The following ABCA13 variants were observed in gnomAD, a reference collection of about 807,000 sequenced individuals.
The protein encoded by ABCA13 is ATP-binding cassette sub-family A member 13.
A neutral mutation model predicts 478.7 loss-of-function variants in ABCA13; 476 were observed. That is an observed-to-expected ratio of 0.99 (90% CI 0.92 to 1.07). ABCA13 has a LOEUF of 1.07. Ranked by LOEUF, ABCA13 falls within the 50% of genes least tolerant of loss-of-function variation. The pLI is 0.00. For missense variants in ABCA13, 6,060 were observed against 5,910.6 expected, an observed-to-expected ratio of 1.03 and a Z score of -0.83; for synonymous variants, 2,252 against 2,158.9, an observed-to-expected ratio of 1.04 and a Z score of -1.20.
intron 21 of ABCA13, among the ~76,000 whole-genome samples, chr7:48,296,976 T>G (rs1030054469): frequency 3.3e-5 from 5 of 152,236 alleles, no homozygotes; most frequent in Non-Finnish European, 7.3e-5. Flanking sequence ...CCATTTATTA[T>G]GCATCCTCAT....
intron 28 of ABCA13, among the ~76,000 whole-genome samples, chr7:48,337,072 C>T (rs1806381288): frequency 1.3e-5 from 2 of 152,298 alleles, no homozygotes; most frequent in South Asian, 4.1e-4. Flanking sequence ...ACATGTTCAA[C>T]CAGTTGAAGA....
chr7:48,261,921 C>T (rs1794239616), intron 15 of ABCA13, among the ~76,000 whole-genome samples: 1 of 151,898 alleles, frequency 6.6e-6, no homozygotes, highest in African/African-American at 2.4e-5. Context: ...AGACATCACT[C>T]TAGGATAATC....
In ABCA13 at chr7:48,275,116, C is replaced by T. The variant is rs1196306549; in HGVS notation, c.5450C>T (p.Ala1817Val). 1 of 1,613,574 alleles carries T rather than the reference C, an allele frequency of 6.2e-7. No individual in the cohort carries two copies. The highest frequency in any genetic ancestry group is 8.5e-7 in the Non-Finnish European group (1 of 1,179,696). ...DKPDIISEAL[A>V]CFPVVWCWNH... ...CCAGATATTATTTCAGAGGCTTTAG[C>T]TTGTTTTCCTGTGGTTTGGTGCTGG... Residue 1817 changes from alanine to valine, a missense_variant, in exon 17 of 62, where the codon GCT (alanine) becomes GTT (valine). Coordinates refer to ENST00000435803, the MANE Select transcript of ABCA13 (RefSeq NM_152701.5).
chr7:48,528,109 G>A (rs2131030274), intron 54 of ABCA13, 127 bp from the exon 55 acceptor site: 1 of 721,642 alleles, frequency 1.4e-6, no homozygotes, highest in Non-Finnish European at 2.4e-6. Context: ...ACACAAACCA[G>A]CAAAGTCAAC....
At chr7:48,180,488 T>C (rs1795523914) in intron 1 of ABCA13, among the ~76,000 whole-genome samples, 1 of 152,208 alleles carries the variant, frequency 6.6e-6, no homozygotes, top group Non-Finnish European at 1.5e-5. Context: ...TGGCGTGATC[T>C]CAGCTTACTG....
At chr7:48,383,254 C>G (rs910635186) in intron 35 of ABCA13, among the ~76,000 whole-genome samples, 1 of 152,192 alleles carries the variant, frequency 6.6e-6, no homozygotes, top group African/African-American at 2.4e-5. Context: ...TTGCAGTTGT[C>G]TATGTGTGCA....
In ABCA13 at chr7:48,279,940, C is replaced by T. The variant is rs1170179823; in HGVS notation, c.8726+20C>T. ...TCAAAGGTAATTAAAAAGCTGAATT[C>T]ACTTTGTTTTTTTCTCTACCGCAGT... On this transcript the variant is annotated intron_variant, in intron 18 of 61. Transcript: ENST00000435803. 6.0e-6 allele frequency: 9 copies of T among 1,501,526 alleles called. No homozygotes were observed. The highest frequency in any genetic ancestry group is 8.0e-6 in the Non-Finnish European group (9 of 1,128,164). The allele number at this position is 1,501,526 out of a possible 1,614,324, so 93.0% of individuals were successfully genotyped here. A position where few individuals can be genotyped will look rare whatever the true frequency, so the allele number is the denominator to read the frequency against.
intron 3 of ABCA13, among the ~76,000 whole-genome samples, chr7:48,202,157 C>T (rs1798843208): frequency 2.0e-5 from 3 of 151,994 alleles, no homozygotes; most frequent in Non-Finnish European, 4.4e-5. Flanking sequence ...AGCTTCCACA[C>T]AGTGGAAGGG....
chr7:48,584,462 T>C (rs1788983713), intron 56 of ABCA13, among the ~76,000 whole-genome samples: 1 of 152,212 alleles, frequency 6.6e-6, no homozygotes. Context: ...TTTCTCCAGG[T>C]ACACTTGTTT....
Position 48,372,296 on chromosome 7 carries a change from C to T in ABCA13, c.10932C>T (p.His3644=). The change falls in exon 33 of 62, where the codon CAC becomes CAT. Residue 3644 remains histidine, a synonymous_variant. Transcript: ENST00000435803. ...IVLKTSGIFA[H]SNTFIVFLFL... ...TGAAAACAAGTGGCATCTTTGCACA[C>T]AGCAATACCTTTATTGTTTTCCTCT... The T allele has an allele frequency of 6.2e-7, 1 of 1,613,924 alleles. No individual in the cohort carries two copies. Among genetic ancestry groups the T allele is most frequent in the Non-Finnish European group, 8.5e-7 (1 of 1,179,856 alleles).
intron 51 of ABCA13, among the ~76,000 whole-genome samples, chr7:48,516,356 C>A (rs796746422): frequency 4.6e-5 from 7 of 152,238 alleles, no homozygotes; most frequent in African/African-American, 1.7e-4. Flanking sequence ...CCCCTTTGTC[C>A]TGCATATCCT....
At chr7:48,613,205 T>G (rs1245150566) in intron 58 of ABCA13, among the ~76,000 whole-genome samples, 2 of 151,982 alleles carry the variant, frequency 1.3e-5, no homozygotes, top group Non-Finnish European at 2.9e-5. Flanking sequence ...CTTTTTTTTT[T>G]GAGATGGAGT....
intron 27 of ABCA13, among the ~76,000 whole-genome samples, chr7:48,330,491 C>A (rs1053791458): frequency 6.7e-6 from 1 of 149,980 alleles, no homozygotes; most frequent in African/African-American, 2.5e-5. Context: ...ATCCGTCCAT[C>A]CATCCATCCA....
intron 34 of ABCA13, among the ~76,000 whole-genome samples, chr7:48,374,650 C>T (rs1813175941): frequency 6.6e-6 from 1 of 152,202 alleles, no homozygotes; most frequent in Non-Finnish European, 1.5e-5. Context: ...TCCAGGTCAA[C>T]CACCCAGCCA....
chr7:48,177,184 T>C (rs1226394332), intron 1 of ABCA13, among the ~76,000 whole-genome samples: 4 of 152,264 alleles, frequency 2.6e-5, no homozygotes, highest in African/African-American at 9.6e-5. Context: ...GGTTGGATTT[T>C]TGCTGGTTTT....
At position 48,375,175 on chromosome 7, in the gene ABCA13, G is replaced by T. The variant is rs1813267195; in HGVS notation, c.11203+759G>T. 1.3e-5 allele frequency among the ~76,000 whole-genome samples: 2 copies of T among 152,118 alleles called. 1 individual carries two copies. The highest frequency in any genetic ancestry group is 4.1e-4 in the South Asian group (2 of 4,828). ...TAATAGGAAAAAATGCACAATAAATGTAATGCACTTGAATCATCCTGGAAC... is the reference window on the plus strand; with the variant it reads ...TAATAGGAAAAAATGCACAATAAATTTAATGCACTTGAATCATCCTGGAAC... On this transcript the variant is annotated intron_variant, in intron 34 of 61. Coordinates refer to ENST00000435803, the MANE Select transcript of ABCA13 (RefSeq NM_152701.5).
chr7:48,444,961 A>G (rs1321399694), intron 42 of ABCA13, among the ~76,000 whole-genome samples: 2 of 151,328 alleles, frequency 1.3e-5, no homozygotes, highest in Non-Finnish European at 2.9e-5. Context: ...CCATCAGGGC[A>G]TGCTCTACAC....
At chr7:48,509,713 A>G (rs1217745808) in intron 50 of ABCA13, among the ~76,000 whole-genome samples, 1 of 152,158 alleles carries the variant, frequency 6.6e-6, no homozygotes, top group Non-Finnish European at 1.5e-5. Context: ...GTTGTGGGTC[A>G]AGGTGGGTCC....
intron 3 of ABCA13, among the ~76,000 whole-genome samples, chr7:48,202,415 GCACT>G (rs1446557203): frequency 6.6e-6 from 1 of 152,136 alleles, no homozygotes; most frequent in Non-Finnish European, 1.5e-5. Flanking sequence ...GTCAATTGGT[GCACT>G]CACAAACCCT....
Sources: gnomAD v4.1 joint callset for allele counts (sites outside exome capture counted in the v4.1 genomes callset) on GRCh38, gnomAD v4.1.1 for gene constraint, MANE v1.5 for transcripts, NCBI Gene and HGNC (gene_info 2026-07-23, HGNC 2026-07-21) for gene names.